Variants in CDH22 observed in about 807,000 individuals in gnomAD.
CDH22 encodes cadherin-22.
In CDH22, 30 loss-of-function variants were observed where a neutral mutation model predicts 58.4. That is an observed-to-expected ratio of 0.51 (90% CI 0.38 to 0.70). The LOEUF (loss-of-function observed/expected upper bound fraction) is 0.70, where lower values mean the gene tolerates loss of function less well. Among genes scored for constraint, CDH22 ranks in the 30% least tolerant of loss-of-function variants. CDH22 has a pLI of 0.00. For synonymous variants in CDH22, 513 were observed against 558.2 expected (o/e 0.92, Z 1.14); for missense variants, 1,014 against 1,233.9 (o/e 0.82, Z 2.67).
chr20:46,180,926 T>TGTG (rs2085779616), intron 10 of CDH22, among the ~76,000 whole-genome samples: 1 of 142,494 alleles, frequency 7.0e-6, no homozygotes, highest in Admixed American at 7.0e-5. Flanking sequence ...AAAGTTTGTT[T>TGTG]TGTGTGTGTG....
At position 46,223,695 on chromosome 20, in the gene CDH22, TTC is replaced by T. The variant is rs1468531382; in HGVS notation, c.670+3811_670+3812del. 9.0e-3 allele frequency among the ~76,000 whole-genome samples: 672 copies of T among 74,724 alleles called. 3 individuals are homozygous for T. Among genetic ancestry groups the T allele is most frequent in the African/African-American group, 0.02 (374 of 18,912 alleles). 49.0% of individuals were successfully genotyped at this position (74,724 alleles called of 152,430 possible). On this transcript the variant is annotated intron_variant, in intron 4 of 11. Transcript: ENST00000537909. Reference sequence around the variant, plus strand: ...TTTCTTTCTTTCTTTCTTTCTTTCTTTCTTTCTTTCTTTCTTTCTTTTTCTTT... The same window carrying T: ...TTTCTTTCTTTCTTTCTTTCTTTCTTTTTCTTTCTTTCTTTCTTTTTCTTT...
At position 46,301,275 on chromosome 20, in the gene CDH22, G is replaced by A. The variant is rs534724427; in HGVS notation, c.-400+6980C>T. On this transcript the variant is annotated intron_variant, in intron 1 of 11. Transcript: ENST00000537909. Reference sequence around the variant, plus strand: ...GTATTAAATACTTCATATGAGCCCCGTGCAGTGTTAAGCGCTTTGTCTGTA... The same window carrying A: ...GTATTAAATACTTCATATGAGCCCCATGCAGTGTTAAGCGCTTTGTCTGTA... Among the ~76,000 whole-genome samples the A allele has an allele frequency of 3.0e-4, 45 of 151,952 alleles. No individual in the cohort carries two copies. In the South Asian group the frequency reaches 7.7e-3, roughly 26 times the overall value.
chr20:46,291,252 G>A (rs968261715), intron 1 of CDH22, among the ~76,000 whole-genome samples: 4 of 152,170 alleles, frequency 2.6e-5, no homozygotes, highest in Non-Finnish European at 4.4e-5. Flanking sequence ...ACTCCAGCCT[G>A]GGAGACAGAG....
In CDH22 at chr20:46,174,928, G is replaced by T. The variant is rs2085727241; in HGVS notation, c.2065C>A (p.Arg689=). The stretch of plus-strand genomic sequence containing the variant: ...AGCTCGCCGAAGTCGTAGAGGCTCC[G>T]CAGCGCCGACATGTCGTAGGCTTCG... ...DTEAYDMSAL[R]SLYDFGELKG... Residue 689 remains arginine (R), a synonymous_variant, in exon 12 of 12, where the codon CGG becomes AGG. Coordinates refer to ENST00000537909, the MANE Select transcript of CDH22 (RefSeq NM_021248.3). The surrounding 1 kb of genome is among the most constrained non-coding windows in gnomAD (Gnocchi z 4.4). 4 of 1,443,236 alleles carry T rather than the reference G, an allele frequency of 2.8e-6. No individual in the cohort carries two copies. The East Asian group carries it at 1.4e-4, about 51-fold the overall frequency. 89.4% of individuals were successfully genotyped at this position (1,443,236 alleles called of 1,614,324 possible).
At position 46,300,835 on chromosome 20, in the gene CDH22, G is replaced by T. The variant is rs1033805115; in HGVS notation, c.-400+7420C>A. ...ATCGGACAAGAGCGTGAAGATGTGTGTACAAGGATGTTCATGGCAGAATTG... is the reference window on the plus strand; with the variant it reads ...ATCGGACAAGAGCGTGAAGATGTGTTTACAAGGATGTTCATGGCAGAATTG... On this transcript the variant is annotated intron_variant, in intron 1 of 11. Transcript: ENST00000537909. This position sits in a 1 kb window ranked among gnomAD's most constrained non-coding sequence, Gnocchi z 4.4. 6.6e-6 allele frequency among the ~76,000 whole-genome samples: 1 copy of T among 152,206 alleles called. No individual in the cohort carries two copies. Among genetic ancestry groups the T allele is most frequent in the African/African-American group, 2.4e-5 (1 of 41,448 alleles).
At chr20:46,256,384 T>C (rs985534607) in intron 1 of CDH22, among the ~76,000 whole-genome samples, 1 of 152,190 alleles carries the variant, frequency 6.6e-6, no homozygotes, top group African/African-American at 2.4e-5. Flanking sequence ...GAAGGCCTTG[T>C]CATTAAGATG....
intron 7 of CDH22, among the ~76,000 whole-genome samples, chr20:46,202,960 CTTG>C (rs1051770868): frequency 6.6e-6 from 1 of 152,228 alleles, no homozygotes; most frequent in Non-Finnish European, 1.5e-5. Flanking sequence ...CAACTGCCTT[CTTG>C]TTGTTTCTCC....
intron 1 of CDH22, among the ~76,000 whole-genome samples, chr20:46,277,203 A>G (rs1303907614): frequency 6.6e-6 from 1 of 152,154 alleles, no homozygotes; most frequent in East Asian, 1.9e-4. Flanking sequence ...TGGCACAAGT[A>G]CAAATCAGGC....
chr20:46,210,545 A>G lies in CDH22; in HGVS notation c.1048T>C (p.Ser350Pro). The change falls in exon 7 of 12, where the codon TCC becomes CCC. Residue 350 changes from serine (S) to proline (P), a missense_variant. By Grantham distance (74) the Ser-to-Pro change is moderately conservative. Around this residue, in one of 2 missense-constraint regions of CDH22, gnomAD observed 806 missense variants for 1,038.7 expected, o/e 0.78. Coordinates refer to ENST00000537909, the MANE Select transcript of CDH22 (RefSeq NM_021248.3). The surrounding 1 kb of genome is among the most constrained non-coding windows in gnomAD (Gnocchi z 4.5). Reference sequence around the variant, plus strand: ...AGGATCACGGTGTGCACGGGCTGGGATTCGAAGTCCAGGCGCTGCGGGAGG... The same window carrying G: ...AGGATCACGGTGTGCACGGGCTGGGGTTCGAAGTCCAGGCGCTGCGGGAGG... ...IVVQKRLDFE[S>P]QPVHTVILEA... The G allele has an allele frequency of 7.0e-7, 1 of 1,427,438 alleles. No homozygotes were observed. Among genetic ancestry groups the G allele is most frequent in the Non-Finnish European group, 9.2e-7 (1 of 1,087,130 alleles). 88.4% of individuals were successfully genotyped at this position (1,427,438 alleles called of 1,614,324 possible).
At chr20:46,274,827 CA>C (rs3091883) in intron 1 of CDH22, among the ~76,000 whole-genome samples, 33 of 140,378 alleles carry the variant, frequency 2.4e-4, no homozygotes, top group African/African-American at 2.9e-4. Flanking sequence ...GAGCCAGATG[CA>C]AAAAAAAAAA....
At chr20:46,307,354 G>A (rs960098384) in intron 1 of CDH22, among the ~76,000 whole-genome samples, 2 of 152,218 alleles carry the variant, frequency 1.3e-5, no homozygotes, top group African/African-American at 2.4e-5. Flanking sequence ...GAGCGAGACG[G>A]GTCCACACTG....
intron 1 of CDH22, among the ~76,000 whole-genome samples, chr20:46,287,727 C>T (rs1013869940): frequency 1.7e-4 from 26 of 151,872 alleles, no homozygotes; most frequent in South Asian, 4.2e-4. Context: ...TGAAAGCTTC[C>T]GAAGCAGAGG....
chr20:46,210,234 T>C lies in CDH22; in HGVS notation c.1286+73A>G. On this transcript the variant is annotated intron_variant, in intron 7 of 11. Transcript: ENST00000537909. The surrounding 1 kb of genome is among the most constrained non-coding windows in gnomAD (Gnocchi z 4.5). ...TGCCCGCCCCAGCCCTCCTCCCCTC[T>C]GCCCGCAGTCTGTCCGCGGGGGTGA... is the stretch of plus-strand genomic sequence containing the variant. The C allele has an allele frequency of 7.5e-7, 1 of 1,326,454 alleles. No homozygotes were observed. The highest frequency in any genetic ancestry group is 9.7e-7 in the Non-Finnish European group (1 of 1,035,678). The allele number at this position is 1,326,454 out of a possible 1,614,324, so 82.2% of individuals were successfully genotyped here.
At chr20:46,274,560 G>A (rs866948488) in intron 1 of CDH22, among the ~76,000 whole-genome samples, 5 of 152,272 alleles carry the variant, frequency 3.3e-5, no homozygotes, top group Middle Eastern at 3.4e-3. Context: ...ATACGATCCA[G>A]CAGTTTCATT....
intron 3 of CDH22, among the ~76,000 whole-genome samples, chr20:46,228,577 G>A (rs980155999): frequency 6.6e-6 from 1 of 152,078 alleles, no homozygotes; most frequent in African/African-American, 2.4e-5. Context: ...GGGTGGGGGA[G>A]GGTCAGGTGG....
chr20:46,245,166 C>G (rs1600714408), intron 2 of CDH22, among the ~76,000 whole-genome samples: 1 of 152,138 alleles, frequency 6.6e-6, no homozygotes, highest in Admixed American at 6.5e-5. Flanking sequence ...TCACCTAATT[C>G]ATCCCCTATC....
rs751078352 is a variant in CDH22 at position 46,241,105 on chromosome 20, C to T, written c.408G>A (p.Arg136=). 5.0e-6 allele frequency: 8 copies of T among 1,614,082 alleles called. No individual in the cohort carries two copies. Among genetic ancestry groups the T allele is most frequent in the Non-Finnish European group, 6.8e-6 (8 of 1,180,040 alleles). ...DREQKTFYTL[R]AQARDRATNR... is the part of the protein sequence containing the mutation. ...TGGTGGCGCGATCCCGAGCCTGGGC[C>T]CGCAGCGTGTAGAAGGTTTTCTGCT... is the stretch of plus-strand genomic sequence containing the variant. Residue 136 remains arginine, a synonymous_variant, in exon 3 of 12, where the codon CGG becomes CGA. Transcript: ENST00000537909. This position sits in a 1 kb window ranked among gnomAD's most constrained non-coding sequence, Gnocchi z 5.2.
At chr20:46,306,630 G>GAGGGAAATAAGGGTGAAGT (rs2086679240) in intron 1 of CDH22, among the ~76,000 whole-genome samples, 1 of 152,230 alleles carries the variant, frequency 6.6e-6, no homozygotes, top group Non-Finnish European at 1.5e-5. Flanking sequence ...CTGGGACAAG[G>GAGGGAAATAAGGGTGAAGT]AGGGAAATAA....
At position 46,213,263 on chromosome 20, in the gene CDH22, C is replaced by G; in HGVS notation, c.839-75G>C. Reference sequence around the variant, plus strand: ...CCTCTGCCAGCAGTGGGGGAGGGGACAAGGGGGCCCAGGTGAGCCTCTATG... The same window carrying G: ...CCTCTGCCAGCAGTGGGGGAGGGGAGAAGGGGGCCCAGGTGAGCCTCTATG... On this transcript the variant is annotated intron_variant, in intron 5 of 11. Transcript: ENST00000537909. The G allele has an allele frequency of 4.7e-6, 5 of 1,067,338 alleles. No homozygotes were observed. The Admixed American group carries it at 9.0e-5, about 19-fold the overall frequency. The allele number at this position is 1,067,338 out of a possible 1,614,324, so 66.1% of individuals were successfully genotyped here. A position where few individuals can be genotyped will look rare whatever the true frequency, so the allele number is the denominator to read the frequency against.
Sources: allele counts gnomAD v4.1 joint callset (sites outside exome capture counted in the v4.1 genomes callset), GRCh38; gene constraint gnomAD v4.1.1; regional missense constraint gnomAD v4.1.1; non-coding constraint Gnocchi (gnomAD v3.1); transcripts MANE v1.5; gene names NCBI Gene and HGNC (gene_info 2026-07-23, HGNC 2026-07-21).